ITPR3: variants seen among roughly 807,000 people sequenced by gnomAD.
ITPR3 encodes the protein inositol 1,4,5-trisphosphate receptor type 3, also known as inositol 1,4,5-trisphosphate-gated calcium channel ITPR3.
A neutral mutation model predicts 293.2 loss-of-function variants in ITPR3; 173 were observed. The observed-to-expected ratio is 0.59, with a 90% CI of 0.52 to 0.67. The LOEUF (loss-of-function observed/expected upper bound fraction) is 0.67, where lower values mean the gene tolerates loss of function less well. Ranked by LOEUF, ITPR3 falls within the 30% of genes least tolerant of loss-of-function variation. ITPR3 has a pLI of 0.00. For missense variants in ITPR3, 2,796 were observed against 3,592.1 expected (o/e 0.78, Z 5.66); for synonymous variants, 1,295 against 1,444.4 (o/e 0.90, Z 2.35).
chr6:33,661,607 T>A (rs1010272391), intron 7 of ITPR3, among the ~76,000 whole-genome samples: 1 of 152,188 alleles, frequency 6.6e-6, no homozygotes, highest in Non-Finnish European at 1.5e-5. Flanking sequence ...CCTCACAATT[T>A]CTGCAAGGAG....
chr6:33,662,704 G>T, intron 8 of ITPR3, 30 bp downstream of exon 8: 2 of 1,601,406 alleles, frequency 1.2e-6, no homozygotes, highest in South Asian at 1.1e-5. Context: ...TGGCACCCCG[G>T]ACTCAGCCTT....
chr6:33,658,981 C>T lies in ITPR3; in HGVS notation c.529-40C>T. 1 of 1,606,502 alleles carries T rather than the reference C, an allele frequency of 6.2e-7. No homozygotes were observed. Among genetic ancestry groups the T allele is most frequent in the East Asian group, 2.2e-5 (1 of 44,828 alleles). On this transcript the variant is annotated intron_variant, in intron 5 of 57. Transcript: ENST00000605930. This position sits in a 1 kb window ranked among gnomAD's most constrained non-coding sequence, Gnocchi z 6.1. Reference sequence around the variant, plus strand: ...CCTGGAGGCGTGGTGACAAGAGGGCCCTGCCCTTCCCACCTAACCTGTCCC... The same window carrying T: ...CCTGGAGGCGTGGTGACAAGAGGGCTCTGCCCTTCCCACCTAACCTGTCCC...
In ITPR3 at chr6:33,690,968, G is replaced by A; in HGVS notation, c.7084G>A (p.Val2362Met). The A allele has an allele frequency of 6.2e-7, 1 of 1,614,190 alleles. No individual in the cohort carries two copies. Among genetic ancestry groups the A allele is most frequent in the East Asian group, 2.2e-5 (1 of 44,884 alleles). ...EETLFNVIKS[V>M]TRNGRSILLT... is the part of the protein sequence containing the mutation. ...GACGCTGTTCAACGTCATCAAGAGT[G>A]TGACCCGCAATGGCCGCTCCATCCT... The change falls in exon 52 of 58, where the codon GTG (valine) becomes ATG (methionine). Residue 2362 changes from valine to methionine, a missense_variant. Coordinates refer to ENST00000605930, the MANE Select transcript of ITPR3 (RefSeq NM_002224.4).
intron 13 of ITPR3, 70 bp from the exon 14 acceptor site, chr6:33,665,765 C>A: frequency 6.4e-7 from 1 of 1,568,558 alleles, no homozygotes; most frequent in Non-Finnish European, 8.7e-7. Flanking sequence ...TTGGGAGGGA[C>A]TGGCTCCCCA....
chr6:33,649,686 A>G (rs947561616), intron 2 of ITPR3, among the ~76,000 whole-genome samples: 6 of 152,200 alleles, frequency 3.9e-5, no homozygotes, highest in African/African-American at 1.2e-4. Context: ...CATTACTGCA[A>G]CCGTATAACT....
Position 33,691,596 on chromosome 6 carries a change from T to C in ITPR3, c.7226-19T>C, listed in dbSNP as rs375406584. The C allele has an allele frequency of 6.2e-7, 1 of 1,606,470 alleles. No individual in the cohort carries two copies. The highest frequency in any genetic ancestry group is 1.3e-5 in the African/African-American group (1 of 74,724). On this transcript the variant is annotated intron_variant, in intron 52 of 57. Coordinates refer to ENST00000605930, the MANE Select transcript of ITPR3 (RefSeq NM_002224.4). The surrounding 1 kb of genome is among the most constrained non-coding windows in gnomAD (Gnocchi z 4.9). ...CCAGGCACTGGACCTCCTGATGATC[T>C]CATCCATATCCCCTCCAGCCAGCCC... is the stretch of plus-strand genomic sequence containing the variant.
At chr6:33,647,804 G>A (rs771398935) in intron 2 of ITPR3, among the ~76,000 whole-genome samples, 4 of 152,030 alleles carry the variant, frequency 2.6e-5, no homozygotes, top group Non-Finnish European at 4.4e-5. Context: ...TATTATTCCT[G>A]TTGGTGCTGC....
chr6:33,692,929 G>A lies in ITPR3; in HGVS notation c.7624+36G>A, dbSNP rs767073197. ...CTTCCTGCTCTGTGGAGGCCGCAGC[G>A]GGGCTGGAACGTCATCTGATGCCAG... On this transcript the variant is annotated intron_variant, in intron 55 of 57. Coordinates refer to ENST00000605930, the MANE Select transcript of ITPR3 (RefSeq NM_002224.4). The surrounding 1 kb of genome is among the most constrained non-coding windows in gnomAD (Gnocchi z 4.2). 30 of 1,606,134 alleles carry A rather than the reference G, an allele frequency of 1.9e-5. No homozygotes were observed. Among genetic ancestry groups the A allele is most frequent in the Middle Eastern group, 1.7e-4 (1 of 5,974 alleles).
intron 1 of ITPR3, 35 bp from the exon 2 acceptor site, chr6:33,640,449 T>C (rs1763921517): frequency 6.2e-7 from 1 of 1,601,332 alleles, no homozygotes; most frequent in Admixed American, 1.7e-5. Flanking sequence ...GATAGGTCTC[T>C]TCTCTCCTGC....
At chr6:33,630,122 G>A (rs1320957244) in intron 1 of ITPR3, among the ~76,000 whole-genome samples, 4 of 152,092 alleles carry the variant, frequency 2.6e-5, no homozygotes, top group Non-Finnish European at 5.9e-5. Flanking sequence ...TCCTGTCAAG[G>A]TACTCGTGTT....
chr6:33,679,776 A>T lies in ITPR3; in HGVS notation c.3973-106A>T. 7.2e-7 allele frequency: 1 copy of T among 1,395,182 alleles called. No individual in the cohort carries two copies. Among genetic ancestry groups the T allele is most frequent in the African/African-American group, 1.4e-5 (1 of 70,066 alleles). The allele number at this position is 1,395,182 out of a possible 1,614,324, so 86.4% of individuals were successfully genotyped here. A position where few individuals can be genotyped will look rare whatever the true frequency, so the allele number is the denominator to read the frequency against. ...GGGGAGGGTTTTCCTGATTTCAGGT[A>T]AGGGCTGTGGTCAGAGTCCCAGTTT... On this transcript the variant is annotated intron_variant, in intron 30 of 57. Coordinates refer to ENST00000605930, the MANE Select transcript of ITPR3 (RefSeq NM_002224.4). This position sits in a 1 kb window ranked among gnomAD's most constrained non-coding sequence, Gnocchi z 4.2.
At position 33,672,518 on chromosome 6, in the gene ITPR3, G is replaced by T. The variant is rs1204228796; in HGVS notation, c.2928+290G>T. ...AGGACTGCTTGAGCTCAGAGTTCAA[G>T]ACCTGCCTGGGTGAGACCCCGTCTC... is the stretch of plus-strand genomic sequence containing the variant. On this transcript the variant is annotated intron_variant, in intron 22 of 57. Transcript: ENST00000605930. The surrounding 1 kb of genome is among the most constrained non-coding windows in gnomAD (Gnocchi z 5.0). Among the ~76,000 whole-genome samples, 1 of 152,074 alleles carries T rather than the reference G, an allele frequency of 6.6e-6. No individual in the cohort carries two copies. The highest frequency in any genetic ancestry group is 1.5e-5 in the Non-Finnish European group (1 of 68,018).
chr6:33,664,631 C>G lies in ITPR3; in HGVS notation c.1149-239C>G, dbSNP rs1582133813. 6.6e-6 allele frequency among the ~76,000 whole-genome samples: 1 copy of G among 152,166 alleles called. No individual in the cohort carries two copies. Among genetic ancestry groups the G allele is most frequent in the Non-Finnish European group, 1.5e-5 (1 of 68,040 alleles). On this transcript the variant is annotated intron_variant, in intron 11 of 57. Coordinates refer to ENST00000605930, the MANE Select transcript of ITPR3 (RefSeq NM_002224.4). This position sits in a 1 kb window ranked among gnomAD's most constrained non-coding sequence, Gnocchi z 4.4. ...CAAGCTTTGGTTTTGGAAGCGTGGA[C>G]AAGGCTGCCCGTGTCAGTGCAGTGG...
Position 33,695,893 on chromosome 6 carries a change from TC to T in ITPR3, c.*116del. On this transcript the variant is annotated 3_prime_UTR_variant, in exon 58 of 58. Coordinates refer to ENST00000605930, the MANE Select transcript of ITPR3 (RefSeq NM_002224.4). The stretch of plus-strand genomic sequence containing the variant: ...GCCCAGCCAGCTGGCCAGCCTCCAC[TC>T]CCACTCTGCCAGACACCCTGACACC... 2.0e-6 allele frequency: 2 copies of T among 986,770 alleles called. No individual in the cohort carries two copies. The highest frequency in any genetic ancestry group is 3.1e-6 in the Non-Finnish European group (2 of 639,070). The allele number at this position is 986,770 out of a possible 1,614,324, so 61.1% of individuals were successfully genotyped here.
chr6:33,680,605 C>T lies in ITPR3; in HGVS notation c.4401C>T (p.Tyr1467=), dbSNP rs182448576. Residue 1467 remains tyrosine (Y), a synonymous_variant, in exon 33 of 58, where the codon TAC becomes TAT. Transcript: ENST00000605930. ...TGGCTGACCCCACCTTGGAGAAGTA[C>T]GTGCTGAGCGTTGTGCTGGACACCA... is the stretch of plus-strand genomic sequence containing the variant. ...KRVADPTLEK[Y]VLSVVLDTIN... is the part of the protein sequence containing the mutation. 21 of 1,614,116 alleles carry T rather than the reference C, an allele frequency of 1.3e-5. 1 individual carries two copies. The Admixed American group carries it at 1.3e-4, about 10-fold the overall frequency.
chr6:33,659,000 C>T lies in ITPR3; in HGVS notation c.529-21C>T. 1 of 1,613,520 alleles carries T rather than the reference C, an allele frequency of 6.2e-7. No individual in the cohort carries two copies. The highest frequency in any genetic ancestry group is 8.5e-7 in the Non-Finnish European group (1 of 1,179,454). ...GAGGGCCCTGCCCTTCCCACCTAAC[C>T]TGTCCCACCTGTCTGCTCAGGTGGT... On this transcript the variant is annotated intron_variant, in intron 5 of 57. Coordinates refer to ENST00000605930, the MANE Select transcript of ITPR3 (RefSeq NM_002224.4). The surrounding 1 kb of genome is among the most constrained non-coding windows in gnomAD (Gnocchi z 6.1).
At position 33,665,212 on chromosome 6, in the gene ITPR3, A is replaced by T; in HGVS notation, c.1408A>T (p.Arg470Trp). ...GGGCTTCATCAGCCAGAATGACCGC[A>T]GGTGGGCTGCAGTGGCACAGGGGTT... ...NEGFISQNDR[R>W]FVIQLLEDLV... Residue 470 changes from arginine (R) to tryptophan (W), a missense_variant and splice_region_variant, in exon 13 of 58, where the codon AGG (arginine) becomes TGG (tryptophan). Physicochemically the swap from Arg to Trp is moderately radical, Grantham distance 101. Transcript: ENST00000605930. The T allele has an allele frequency of 6.2e-7, 1 of 1,612,956 alleles. No homozygotes were observed. The highest frequency in any genetic ancestry group is 8.5e-7 in the Non-Finnish European group (1 of 1,179,142).
chr6:33,665,742 T>C (rs2127274945), intron 13 of ITPR3, 93 bp from the exon 14 acceptor site: 1 of 1,443,988 alleles, frequency 6.9e-7, no homozygotes, highest in Non-Finnish European at 9.6e-7. Flanking sequence ...AGTGAACTCA[T>C]GAAAGCCATG....
rs1764611660 is a variant in ITPR3 at position 33,666,424 on chromosome 6, C to T, written c.1551+448C>T. Among the ~76,000 whole-genome samples, 1 of 152,216 alleles carries T rather than the reference C, an allele frequency of 6.6e-6. No individual in the cohort carries two copies. Among genetic ancestry groups the T allele is most frequent in the Non-Finnish European group, 1.5e-5 (1 of 68,044 alleles). On this transcript the variant is annotated intron_variant, in intron 14 of 57. Coordinates refer to ENST00000605930, the MANE Select transcript of ITPR3 (RefSeq NM_002224.4). This position sits in a 1 kb window ranked among gnomAD's most constrained non-coding sequence, Gnocchi z 5.1. ...TATGTAGCTCGGTTCACACATCCGT[C>T]TTTCCATCCACACATTGCAAAATAG... is the stretch of plus-strand genomic sequence containing the variant.
Sources: gnomAD v4.1 joint callset for allele counts (sites outside exome capture counted in the v4.1 genomes callset) on GRCh38, gnomAD v4.1.1 for gene constraint, Gnocchi (gnomAD v3.1) non-coding constraint, MANE v1.5 for transcripts, NCBI Gene and HGNC (gene_info 2026-07-23, HGNC 2026-07-21) for gene names.